The following ZSCAN25 variants were observed in gnomAD, a reference collection of about 807,000 sequenced individuals.
ZSCAN25 encodes zinc finger and SCAN domain-containing protein 25.
In ZSCAN25, 27 loss-of-function variants were observed where a neutral mutation model predicts 38.7. The observed-to-expected ratio is 0.70, with a 90% CI of 0.51 to 0.96. The LOEUF (loss-of-function observed/expected upper bound fraction) is 0.96, where lower values mean the gene tolerates loss of function less well. Ranked by LOEUF, ZSCAN25 falls within the 40% of genes least tolerant of loss-of-function variation. ZSCAN25 has a pLI of 0.00. For synonymous variants in ZSCAN25, 273 were observed against 277.7 expected (o/e 0.98, Z 0.17); for missense variants, 637 against 705.9 (o/e 0.90, Z 1.11).
chr7:99,626,604 A>C (rs1286989246), intron 7 of ZSCAN25, among the ~76,000 whole-genome samples: 1 of 152,174 alleles, frequency 6.6e-6, no homozygotes, highest in East Asian at 1.9e-4. Flanking sequence ...GGGCCTGGAA[A>C]AATTATGTTA....
At chr7:99,711,017 T>G in the ZSCAN25 span, 1 of 1,499,148 alleles carries the variant, frequency 6.7e-7, no homozygotes, top group Non-Finnish European at 9.0e-7. Context: ...CAATTCAGAG[T>G]CTCACTGGGG....
the ZSCAN25 span, among the ~76,000 whole-genome samples, chr7:99,724,363 T>C: frequency 6.6e-6 from 1 of 152,202 alleles, no homozygotes. Flanking sequence ...ATGATTTTTG[T>C]TGAAAAATGG....
the ZSCAN25 span, among the ~76,000 whole-genome samples, chr7:99,731,578 G>T: frequency 6.6e-6 from 1 of 152,156 alleles, no homozygotes. Flanking sequence ...CAGTGATGAT[G>T]AGATTTTGCA....
chr7:99,642,111 C>G, the ZSCAN25 span, among the ~76,000 whole-genome samples: 1 of 151,850 alleles, frequency 6.6e-6, no homozygotes, highest in Non-Finnish European at 1.5e-5. Context: ...ACACAACTTT[C>G]TCCTTCTCTT....
chr7:99,687,398 G>A, the ZSCAN25 span, among the ~76,000 whole-genome samples: 28 of 152,286 alleles, frequency 1.8e-4, no homozygotes, highest in East Asian at 4.4e-3. Flanking sequence ...GAGCTGATGC[G>A]ATCAACTGGA....
the ZSCAN25 span, among the ~76,000 whole-genome samples, chr7:99,645,817 A>G: frequency 3.3e-5 from 5 of 151,782 alleles, no homozygotes; most frequent in African/African-American, 1.2e-4. Flanking sequence ...TGTACATTTA[A>G]GTTCTTTATA....
chr7:99,667,049 C>T, the ZSCAN25 span: 1 of 1,614,018 alleles, frequency 6.2e-7, no homozygotes, highest in Admixed American at 1.7e-5. Context: ...TTTCATAAAT[C>T]CCACTGGGCC....
the ZSCAN25 span, chr7:99,638,186 C>A: frequency 1.4e-6 from 2 of 1,398,594 alleles, no homozygotes; most frequent in Non-Finnish European, 9.5e-7. Context: ...GGCGATAATC[C>A]TGTGAATGGG....
the ZSCAN25 span, among the ~76,000 whole-genome samples, chr7:99,732,596 A>G: frequency 6.6e-6 from 1 of 152,076 alleles, no homozygotes; most frequent in Non-Finnish European, 1.5e-5. Context: ...CCAACTGGGG[A>G]TTCTGGATAT....
the ZSCAN25 span, among the ~76,000 whole-genome samples, chr7:99,641,231 C>A: frequency 2.6e-5 from 4 of 152,126 alleles, no homozygotes; most frequent in Admixed American, 6.5e-5. Flanking sequence ...AGGAAACTTA[C>A]AATCATGGTT....
chr7:99,644,280 TG>T, the ZSCAN25 span, among the ~76,000 whole-genome samples: 18 of 152,198 alleles, frequency 1.2e-4, no homozygotes, highest in African/African-American at 4.3e-4. Context: ...GGGTAGCATT[TG>T]GGGTGCACTT....
At chr7:99,716,817 A>G in the ZSCAN25 span, among the ~76,000 whole-genome samples, 1 of 152,170 alleles carries the variant, frequency 6.6e-6, no homozygotes, top group Non-Finnish European at 1.5e-5. Context: ...CTCACTGCCA[A>G]CCAACAGATA....
In ZSCAN25 at chr7:99,630,429, T is replaced by A; in HGVS notation, c.*409T>A. ...GCTCAGACTCTTCCCCCACCCCCTC[T>A]CTTTTCCATTGAACAAACATTTATT... On this transcript the variant is annotated 3_prime_UTR_variant, in exon 8 of 8. Transcript: ENST00000394152. The A allele has an allele frequency of 9.9e-7, 1 of 1,010,734 alleles. No individual in the cohort carries two copies. The highest frequency in any genetic ancestry group is 1.2e-6 in the Non-Finnish European group (1 of 846,636). The allele number at this position is 1,010,734 out of a possible 1,614,324, so 62.6% of individuals were successfully genotyped here.
In ZSCAN25 at chr7:99,631,508, C is replaced by G; in HGVS notation, c.*1488C>G. ...CTGACTGCTGTGTCATTGTGCTGTG[C>G]CTTTGAACCCTGGCTGAGTGAGTGA... On this transcript the variant is annotated 3_prime_UTR_variant, in exon 8 of 8. Transcript: ENST00000394152. The G allele has an allele frequency of 9.1e-6, 9 of 985,492 alleles. No homozygotes were observed. Among genetic ancestry groups the G allele is most frequent in the Non-Finnish European group, 1.1e-5 (9 of 829,946 alleles). 61.0% of individuals were successfully genotyped at this position (985,492 alleles called of 1,614,324 possible). A position where few individuals can be genotyped will look rare whatever the true frequency, so the allele number is the denominator to read the frequency against.
At chr7:99,626,382 G>A (rs1343519480) in intron 7 of ZSCAN25, among the ~76,000 whole-genome samples, 1 of 152,110 alleles carries the variant, frequency 6.6e-6, no homozygotes, top group African/African-American at 2.4e-5. Flanking sequence ...ATGTGATGGA[G>A]GTTTTACTTG....
At chr7:99,703,622 C>A in the ZSCAN25 span, among the ~76,000 whole-genome samples, 1 of 152,278 alleles carries the variant, frequency 6.6e-6, no homozygotes, top group East Asian at 1.9e-4. Flanking sequence ...TCATAGGATT[C>A]ATGCTAGTTT....
the ZSCAN25 span, chr7:99,714,490 C>A: frequency 1.1e-4 from 182 of 1,598,444 alleles, no homozygotes; most frequent in Non-Finnish European, 1.4e-4. Flanking sequence ...GTGCACCGAT[C>A]ATATGTATAT....
chr7:99,632,038 T>C lies in ZSCAN25; in HGVS notation c.*2018T>C, dbSNP rs1808041122. The C allele has an allele frequency of 7.1e-6, 7 of 985,512 alleles. No individual in the cohort carries two copies. The highest frequency in any genetic ancestry group is 4.8e-6 in the Non-Finnish European group (4 of 829,998). 61.0% of individuals were successfully genotyped at this position (985,512 alleles called of 1,614,324 possible). A position where few individuals can be genotyped will look rare whatever the true frequency, so the allele number is the denominator to read the frequency against. On this transcript the variant is annotated 3_prime_UTR_variant, in exon 8 of 8. Coordinates refer to ENST00000394152, the MANE Select transcript of ZSCAN25 (RefSeq NM_145115.3). ...GACTGGGGAGGCCTCGGGGGGCTGC[T>C]TGTCATTACCTGAATCACAGATGCT...
chr7:99,708,924 A>T, the ZSCAN25 span: 1 of 1,259,820 alleles, frequency 7.9e-7, no homozygotes, highest in African/African-American at 1.5e-5. Flanking sequence ...AACCTTTTAA[A>T]CATAAAAAGA....
Sources: allele counts gnomAD v4.1 joint callset (sites outside exome capture counted in the v4.1 genomes callset), GRCh38; gene constraint gnomAD v4.1.1; transcripts MANE v1.5; gene names NCBI Gene and HGNC (gene_info 2026-07-23, HGNC 2026-07-21).